The following ROBO1 variants were observed in gnomAD, a reference collection of about 807,000 sequenced individuals.
ROBO1 encodes roundabout guidance receptor 1.
A neutral mutation model predicts 195.9 loss-of-function variants in ROBO1; 149 were observed. That is an observed-to-expected ratio of 0.76 (90% confidence interval 0.67 to 0.87). The LOEUF is 0.87. Among genes scored for constraint, ROBO1 ranks in the 40% least tolerant of loss-of-function variants. The pLI is 0.00. For synonymous variants in ROBO1, 816 were observed against 733.2 expected, an observed-to-expected ratio of 1.11 and a Z score of -1.82; for missense variants, 1,933 against 2,068.3, an observed-to-expected ratio of 0.93 and a Z score of 1.27.
intron 3 of ROBO1, among the ~76,000 whole-genome samples, chr3:78,977,770 G>A (rs752607913): frequency 6.6e-6 from 1 of 151,928 alleles, no homozygotes; most frequent in Non-Finnish European, 1.5e-5. Flanking sequence ...ACTCACTGAG[G>A]TATGCACTAC....
intron 4 of ROBO1, among the ~76,000 whole-genome samples, chr3:78,817,451 T>C (rs189417041): frequency 2.6e-5 from 4 of 152,282 alleles, no homozygotes; most frequent in African/African-American, 9.6e-5. Flanking sequence ...CTCACTTTCT[T>C]GTGATACTAG....
At chr3:79,222,714 T>A (rs1392031764) in intron 2 of ROBO1, among the ~76,000 whole-genome samples, 1 of 152,050 alleles carries the variant, frequency 6.6e-6, no homozygotes, top group Non-Finnish European at 1.5e-5. Flanking sequence ...AGATTTATGT[T>A]TCTAAATACA....
chr3:79,363,850 T>C (rs2035862021), intron 2 of ROBO1, among the ~76,000 whole-genome samples: 1 of 152,166 alleles, frequency 6.6e-6, no homozygotes, highest in South Asian at 2.1e-4. Context: ...CATAATGACA[T>C]ATATTATTAT....
chr3:79,662,929 G>A (rs1016674765), intron 1 of ROBO1, among the ~76,000 whole-genome samples: 1 of 151,840 alleles, frequency 6.6e-6, no homozygotes, highest in Non-Finnish European at 1.5e-5. Flanking sequence ...ATAAACCAAA[G>A]AAAAAATATA....
chr3:79,022,622 T>C (rs1337506826), intron 3 of ROBO1, among the ~76,000 whole-genome samples: 1 of 152,230 alleles, frequency 6.6e-6, no homozygotes, highest in Non-Finnish European at 1.5e-5. Context: ...CTCTGACATG[T>C]ACAAGAGAAT....
rs374609760 is a variant in ROBO1, at chr3:79,058,265, C to T, written c.172+67191G>A. 2.6e-5 allele frequency among the ~76,000 whole-genome samples: 4 copies of T among 152,022 alleles called. No homozygotes were observed. In the South Asian group the frequency reaches 8.3e-4, roughly 32 times the overall value. ...CAAAGGGCTATTTAAAAAACAATTG[C>T]TCCTCTGGCCAAGGGAATGCCTGGA... On this transcript the variant is annotated intron_variant, in intron 3 of 30. Transcript: ENST00000464233.
intron 2 of ROBO1, among the ~76,000 whole-genome samples, chr3:79,195,196 G>T (rs2081612324): frequency 6.6e-6 from 1 of 151,452 alleles, no homozygotes; most frequent in Non-Finnish European, 1.5e-5. Flanking sequence ...AGAAAAATGG[G>T]AATAATAATA....
At chr3:79,278,568 T>C (rs946454157) in intron 2 of ROBO1, among the ~76,000 whole-genome samples, 1 of 152,084 alleles carries the variant, frequency 6.6e-6, no homozygotes, top group African/African-American at 2.4e-5. Context: ...TTGAAAAGGG[T>C]GTTAAGACAA....
chr3:79,284,530 A>ATAACT (rs2109011303), intron 2 of ROBO1, among the ~76,000 whole-genome samples: 1 of 152,338 alleles, frequency 6.6e-6, no homozygotes, highest in African/African-American at 2.4e-5. Flanking sequence ...TATTATTAAA[A>ATAACT]TAACTGTATC....
intron 10 of ROBO1, among the ~76,000 whole-genome samples, chr3:78,682,008 A>C (rs1053587022): frequency 6.6e-6 from 1 of 152,192 alleles, no homozygotes; most frequent in African/African-American, 2.4e-5. Context: ...CACGTTAAGG[A>C]ATATACACTT....
intron 4 of ROBO1, among the ~76,000 whole-genome samples, chr3:78,779,092 T>C (rs939175849): frequency 9.2e-5 from 14 of 152,124 alleles, no homozygotes; most frequent in African/African-American, 3.4e-4. Context: ...TTACACCTTA[T>C]ACAAAAATTC....
intron 1 of ROBO1, among the ~76,000 whole-genome samples, chr3:79,700,317 T>TGTTTG (rs1553793340): frequency 4.9e-5 from 7 of 144,254 alleles, no homozygotes; most frequent in Middle Eastern, 3.6e-3. Context: ...GTGTGTGTGT[T>TGTTTG]TGTGTGTGTG....
chr3:78,775,423 T>A (rs1386977412), intron 4 of ROBO1, among the ~76,000 whole-genome samples: 23 of 152,336 alleles, frequency 1.5e-4, no homozygotes, highest in Admixed American at 1.5e-3. Flanking sequence ...GTGTATTTAA[T>A]TTAAAAATAA....
intron 2 of ROBO1, among the ~76,000 whole-genome samples, chr3:79,191,367 A>T (rs2081536428): frequency 6.6e-6 from 1 of 151,472 alleles, no homozygotes; most frequent in Non-Finnish European, 1.5e-5. Flanking sequence ...GCACTGTGAC[A>T]TCAAGATCAG....
intron 3 of ROBO1, among the ~76,000 whole-genome samples, chr3:78,975,527 C>A (rs1216062282): frequency 1.3e-5 from 2 of 151,920 alleles, no homozygotes; most frequent in Non-Finnish European, 2.9e-5. Context: ...CCTGGGTGAC[C>A]AGTTTCTTAA....
intron 1 of ROBO1, among the ~76,000 whole-genome samples, chr3:79,726,443 A>G (rs2107325738): frequency 6.6e-6 from 1 of 152,348 alleles, no homozygotes; most frequent in East Asian, 1.9e-4. Context: ...TCTATATTAT[A>G]ATGTCTGACA....
chr3:79,415,693 AAGTT>A (rs1210649236), intron 2 of ROBO1, among the ~76,000 whole-genome samples: 1 of 152,204 alleles, frequency 6.6e-6, no homozygotes, highest in Non-Finnish European at 1.5e-5. Context: ...TAGAGAGAAT[AAGTT>A]AGAAAGTGTC....
intron 2 of ROBO1, among the ~76,000 whole-genome samples, chr3:79,336,583 G>A (rs1169042859): frequency 6.6e-6 from 1 of 152,202 alleles, no homozygotes; most frequent in African/African-American, 2.4e-5. Flanking sequence ...AGGCAGAGGT[G>A]TGCTGCATGG....
intron 2 of ROBO1, among the ~76,000 whole-genome samples, chr3:79,313,956 T>C (rs1244557031): frequency 1.3e-5 from 2 of 152,168 alleles, no homozygotes; most frequent in East Asian, 3.9e-4. Context: ...AGAGTTGTGT[T>C]AAACTCAGCA....
Sources: allele counts gnomAD v4.1 joint callset (sites outside exome capture counted in the v4.1 genomes callset), GRCh38; gene constraint gnomAD v4.1.1; transcripts MANE v1.5; gene names NCBI Gene and HGNC (gene_info 2026-07-23, HGNC 2026-07-21).